Variants in ARHGAP32 observed in about 807,000 individuals in gnomAD.
ARHGAP32 encodes rho GTPase-activating protein 32.
Under a neutral mutation model 186.5 loss-of-function variants are expected in ARHGAP32, and 51 were observed. The observed-to-expected ratio is 0.27, with a 90% confidence interval of 0.22 to 0.35. The LOEUF is 0.35. Ranked by LOEUF, ARHGAP32 falls within the 10% of genes least tolerant of loss-of-function variation. The probability of loss-of-function intolerance (pLI) is 1.00; values close to 1 mark genes in which losing one functional copy is unlikely to be tolerated. For missense variants in ARHGAP32, 2,186 were observed against 2,623.5 expected, an observed-to-expected ratio of 0.83 and a Z score of 3.64; for synonymous variants, 950 against 964.3, an observed-to-expected ratio of 0.99 and a Z score of 0.27.
intron 1 of ARHGAP32, among the ~76,000 whole-genome samples, chr11:129,213,779 T>C (rs1439013548): frequency 1.3e-5 from 2 of 151,848 alleles, no homozygotes; most frequent in African/African-American, 2.4e-5. Context: ...ACAGCCAAAA[T>C]GACAAATCAT....
intron 11 of ARHGAP32, among the ~76,000 whole-genome samples, chr11:129,025,180 C>T (rs755824581): frequency 7.2e-5 from 11 of 152,138 alleles, no homozygotes; most frequent in Non-Finnish European, 1.6e-4. Flanking sequence ...ATTATCTCAT[C>T]TTATAGATGA....
At chr11:129,109,006 G>T (rs1942128268) in intron 5 of ARHGAP32, among the ~76,000 whole-genome samples, 1 of 152,030 alleles carries the variant, frequency 6.6e-6, no homozygotes. Flanking sequence ...ATTGAACATT[G>T]TAACTTACAC....
At chr11:129,264,792 G>A (rs185253866) in intron 1 of ARHGAP32, among the ~76,000 whole-genome samples, 1 of 152,250 alleles carries the variant, frequency 6.6e-6, no homozygotes, top group Admixed American at 6.5e-5. Flanking sequence ...TGGGAAAACT[G>A]CTATAATGAG....
intron 12 of ARHGAP32, among the ~76,000 whole-genome samples, chr11:128,993,617 T>C (rs1295069713): frequency 6.6e-6 from 1 of 151,956 alleles, no homozygotes; most frequent in Non-Finnish European, 1.5e-5. Context: ...AAATAGTCTC[T>C]ATATATATTT....
At chr11:129,018,984 T>C (rs1591537020) in intron 11 of ARHGAP32, among the ~76,000 whole-genome samples, 2 of 152,244 alleles carry the variant, frequency 1.3e-5, no homozygotes, top group South Asian at 4.1e-4. Context: ...TGACTAAAAA[T>C]ACACATGAAT....
chr11:129,207,614 T>C (rs1238609230), intron 1 of ARHGAP32, among the ~76,000 whole-genome samples: 1 of 152,156 alleles, frequency 6.6e-6, no homozygotes. Context: ...TTAATTTCTT[T>C]GTAGATTCTG....
At chr11:129,223,957 G>A (rs1177933595) in intron 1 of ARHGAP32, among the ~76,000 whole-genome samples, 9 of 152,172 alleles carry the variant, frequency 5.9e-5, no homozygotes, top group Non-Finnish European at 1.3e-4. Flanking sequence ...AAACGTCAGG[G>A]TGGAAATAAA....
chr11:129,008,089 C>G (rs1359865478), intron 11 of ARHGAP32, among the ~76,000 whole-genome samples: 1 of 152,134 alleles, frequency 6.6e-6, no homozygotes, highest in African/African-American at 2.4e-5. Flanking sequence ...GGGCCACTAC[C>G]AGGGGATGGG....
intron 1 of ARHGAP32, among the ~76,000 whole-genome samples, chr11:129,185,370 C>T (rs1944138505): frequency 6.6e-6 from 1 of 152,154 alleles, no homozygotes; most frequent in Non-Finnish European, 1.5e-5. Flanking sequence ...CCAAACACCA[C>T]ATGTTCTTAC....
chr11:129,246,886 A>G (rs1163976151), intron 1 of ARHGAP32, among the ~76,000 whole-genome samples: 1 of 152,210 alleles, frequency 6.6e-6, no homozygotes, highest in Non-Finnish European at 1.5e-5. Flanking sequence ...CTGTTAAAAT[A>G]GGTCTTTTAA....
At chr11:129,060,336 CATAGATAG>C (rs60434028) in intron 10 of ARHGAP32, among the ~76,000 whole-genome samples, 12,773 of 148,476 alleles carry the variant, frequency 0.086, 624 homozygotes, top group Admixed American at 0.14. Context: ...AGGTGTTACA[CATAGATAG>C]ATAGATAGAT....
chr11:129,249,342 T>C lies in ARHGAP32; in HGVS notation c.-5+29804A>G, dbSNP rs7943701. 3.4e-3 allele frequency among the ~76,000 whole-genome samples: 520 copies of C among 152,128 alleles called. 5 individuals carry two copies. Among genetic ancestry groups the C allele is most frequent in the African/African-American group, 0.012 (490 of 41,478 alleles). ...ACATATATATATATACACACACACA[T>C]ACATATATACATACACCAGAGTGCA... is the stretch of plus-strand genomic sequence containing the variant. On this transcript the variant is annotated intron_variant, in intron 1 of 6. Coordinates refer to the ARHGAP32 transcript ENST00000525234.
In ARHGAP32 at chr11:129,133,861, A is replaced by G. The variant is rs976211240; in HGVS notation, c.226-8967T>C. On this transcript the variant is annotated intron_variant, in intron 2 of 22. Coordinates refer to ENST00000682385, the MANE Select transcript of ARHGAP32 (RefSeq NM_001378024.1). Reference sequence around the variant, plus strand: ...AGAAATGGTGAATAATTAGGCAAATATAACAGATTATTAATCTCCACTTAC... The same window carrying G: ...AGAAATGGTGAATAATTAGGCAAATGTAACAGATTATTAATCTCCACTTAC... Among the ~76,000 whole-genome samples, 3 of 152,234 alleles carry G rather than the reference A, an allele frequency of 2.0e-5. No homozygotes were observed. In the East Asian group the frequency reaches 5.8e-4, roughly 29 times the overall value.
At chr11:129,262,977 G>A (rs1443283122) in intron 1 of ARHGAP32, among the ~76,000 whole-genome samples, 2 of 152,194 alleles carry the variant, frequency 1.3e-5, no homozygotes, top group Non-Finnish European at 2.9e-5. Flanking sequence ...CTACAGGAGT[G>A]TGAAGACCAT....
Position 128,973,603 on chromosome 11 carries a change from G to T in ARHGAP32, c.3074-171C>A, listed in dbSNP as rs965821129. On this transcript the variant is annotated intron_variant, in intron 21 of 22. Transcript: ENST00000682385. The stretch of plus-strand genomic sequence containing the variant: ...GCAAATGCTGTTGAAAACACATCTG[G>T]TTCAGAAGGAAAACTAAAACAAACA... 2.3e-5 allele frequency: 16 copies of T among 682,296 alleles called. No homozygotes were observed. The African/African-American group carries it at 2.9e-4, about 12-fold the overall frequency. 42.3% of individuals were successfully genotyped at this position (682,296 alleles called of 1,614,324 possible). A position where few individuals can be genotyped will look rare whatever the true frequency, so the allele number is the denominator to read the frequency against.
intron 2 of ARHGAP32, among the ~76,000 whole-genome samples, chr11:129,138,579 T>C (rs1413295937): frequency 1.3e-5 from 2 of 152,158 alleles, no homozygotes; most frequent in Admixed American, 6.5e-5. Context: ...CTTGGTCCCA[T>C]ATTCAAAGTG....
intron 5 of ARHGAP32, among the ~76,000 whole-genome samples, chr11:129,098,113 A>G (rs1454604659): frequency 6.6e-6 from 1 of 152,236 alleles, no homozygotes; most frequent in Non-Finnish European, 1.5e-5. Context: ...AAAAATCCCA[A>G]CTTCAGATGT....
intron 1 of ARHGAP32, among the ~76,000 whole-genome samples, chr11:129,233,832 C>A (rs1944890128): frequency 6.6e-6 from 1 of 151,712 alleles, no homozygotes; most frequent in South Asian, 2.1e-4. Context: ...TGATAATATA[C>A]AATATACAGT....
At chr11:129,204,925 C>A (rs1454855540) in intron 1 of ARHGAP32, among the ~76,000 whole-genome samples, 1 of 152,102 alleles carries the variant, frequency 6.6e-6, no homozygotes, top group Non-Finnish European at 1.5e-5. Flanking sequence ...AATTTAAGTT[C>A]CTGCCTGCTC....
Sources: gnomAD v4.1 joint callset for allele counts (sites outside exome capture counted in the v4.1 genomes callset) on GRCh38, gnomAD v4.1.1 for gene constraint, MANE v1.5 for transcripts, NCBI Gene and HGNC (gene_info 2026-07-23, HGNC 2026-07-21) for gene names.